Variants in GIPC2 observed in about 807,000 individuals in gnomAD.
GIPC2 encodes the protein PDZ domain-containing protein GIPC2.
Under a neutral mutation model 30.6 loss-of-function variants are expected in GIPC2, and 30 were observed. That is an observed-to-expected ratio of 0.98 (90% CI 0.73 to 1.33). The LOEUF (loss-of-function observed/expected upper bound fraction) is 1.33. Among genes scored for constraint, GIPC2 ranks in the 40% most tolerant of loss-of-function variants. GIPC2 has a pLI of 0.00. For synonymous variants in GIPC2, 167 were observed against 150.0 expected (o/e 1.11, Z -0.83); for missense variants, 414 against 390.3 (o/e 1.06, Z -0.51).
chr1:78,069,235 C>G lies in GIPC2; in HGVS notation c.241-11440C>G, dbSNP rs549618599. 5 of 281,942 alleles carry G rather than the reference C, an allele frequency of 1.8e-5. No homozygotes were observed. The South Asian group carries it at 4.0e-4, about 23-fold the overall frequency. The allele number at this position is 281,942 out of a possible 1,614,324, so 17.5% of individuals were successfully genotyped here. A position where few individuals can be genotyped will look rare whatever the true frequency, so the allele number is the denominator to read the frequency against. ...TCAGTTTCCTGGGCTTATTCTATCC[C>G]TGGGGCAGGAGATGGTTCAAAATTG... On this transcript the variant is annotated intron_variant, in intron 1 of 5. Coordinates refer to ENST00000370759, the MANE Select transcript of GIPC2 (RefSeq NM_017655.6).
At position 78,135,544 on chromosome 1, in the gene GIPC2, T is replaced by A. The variant is rs750823554; in HGVS notation, c.797-48T>A. 55 of 1,162,714 alleles carry A rather than the reference T, an allele frequency of 4.7e-5. No individual in the cohort carries two copies. In the Middle Eastern group the frequency reaches 2.4e-3, roughly 52 times the overall value. 72.0% of individuals were successfully genotyped at this position (1,162,714 alleles called of 1,614,324 possible). A position where few individuals can be genotyped will look rare whatever the true frequency, so the allele number is the denominator to read the frequency against. On this transcript the variant is annotated intron_variant, in intron 5 of 5. Coordinates refer to ENST00000370759, the MANE Select transcript of GIPC2 (RefSeq NM_017655.6). The stretch of plus-strand genomic sequence containing the variant: ...TCCTGTTGCCATTTTTCTCAGTCCT[T>A]TGATGCTATTTCATTTATTGTTAAT...
chr1:78,103,674 A>G (rs1385647372), intron 3 of GIPC2, among the ~76,000 whole-genome samples: 1 of 152,216 alleles, frequency 6.6e-6, no homozygotes, highest in Non-Finnish European at 1.5e-5. Context: ...CTTCTTCAGA[A>G]CATAATGCAG....
chr1:78,106,653 A>G (rs2100402397), intron 3 of GIPC2, among the ~76,000 whole-genome samples: 1 of 152,334 alleles, frequency 6.6e-6, no homozygotes, highest in South Asian at 2.1e-4. Flanking sequence ...GTGTAGAAGA[A>G]AAATACCTTA....
At chr1:78,064,262 C>G (rs1033398269) in intron 1 of GIPC2, among the ~76,000 whole-genome samples, 15 of 152,202 alleles carry the variant, frequency 9.9e-5, no homozygotes, top group African/African-American at 3.6e-4. Flanking sequence ...AGTTTCCCCC[C>G]ATCCTTCCAG....
chr1:78,097,514 A>G (rs1321807482), intron 3 of GIPC2, among the ~76,000 whole-genome samples: 1 of 152,238 alleles, frequency 6.6e-6, no homozygotes, highest in African/African-American at 2.4e-5. Flanking sequence ...AGGAAGGAGC[A>G]TAGTTGGCTG....
chr1:78,094,787 T>G (rs1352905037), intron 2 of GIPC2, 165 bp from the exon 3 acceptor site: 1 of 528,670 alleles, frequency 1.9e-6, no homozygotes, highest in Admixed American at 3.2e-5. Context: ...TAAAAAGTAC[T>G]GTTACACAGT....
At chr1:78,076,374 G>T (rs1181332015) in intron 1 of GIPC2, among the ~76,000 whole-genome samples, 1 of 152,218 alleles carries the variant, frequency 6.6e-6, no homozygotes, top group Non-Finnish European at 1.5e-5. Flanking sequence ...AGAGTGATAA[G>T]CATGCAGTCC....
intron 1 of GIPC2, among the ~76,000 whole-genome samples, chr1:78,053,403 C>G (rs916312702): frequency 6.6e-6 from 1 of 152,118 alleles, no homozygotes; most frequent in African/African-American, 2.4e-5. Context: ...CTAACACAAG[C>G]CCAAATCCTT....
At chr1:78,063,813 A>G (rs892600684) in intron 1 of GIPC2, among the ~76,000 whole-genome samples, 20 of 149,916 alleles carry the variant, frequency 1.3e-4, no homozygotes, top group Admixed American at 7.4e-4. Flanking sequence ...AATCGCTTGA[A>G]CCTGGGAGGT....
chr1:78,076,923 C>G (rs1467921228), intron 1 of GIPC2, among the ~76,000 whole-genome samples: 1 of 151,896 alleles, frequency 6.6e-6, no homozygotes, highest in Non-Finnish European at 1.5e-5. Context: ...CACCTGCCAC[C>G]ATGCCTGGCT....
At chr1:78,102,005 A>G (rs1220414445) in intron 3 of GIPC2, among the ~76,000 whole-genome samples, 1 of 152,202 alleles carries the variant, frequency 6.6e-6, no homozygotes, top group Non-Finnish European at 1.5e-5. Flanking sequence ...TCTCGACTTC[A>G]TTTATCCTGC....
chr1:78,115,532 C>T (rs930607768), intron 3 of GIPC2, among the ~76,000 whole-genome samples: 1 of 152,180 alleles, frequency 6.6e-6, no homozygotes, highest in Non-Finnish European at 1.5e-5. Flanking sequence ...CTAGGCAGTA[C>T]GGAATCCTGG....
At chr1:78,091,288 T>C (rs1285574475) in intron 2 of GIPC2, among the ~76,000 whole-genome samples, 1 of 152,222 alleles carries the variant, frequency 6.6e-6, no homozygotes, top group Non-Finnish European at 1.5e-5. Flanking sequence ...AGCTTATTAT[T>C]ATGGGCGAGG....
chr1:78,121,337 C>T (rs765566089), intron 4 of GIPC2, among the ~76,000 whole-genome samples: 38 of 152,252 alleles, frequency 2.5e-4, no homozygotes, highest in South Asian at 2.5e-3. Flanking sequence ...AGGGGCAAGG[C>T]TCTGGGCCCT....
intron 1 of GIPC2, among the ~76,000 whole-genome samples, chr1:78,054,037 T>TC (rs1661244437): frequency 1.3e-5 from 2 of 152,198 alleles, no homozygotes; most frequent in Non-Finnish European, 2.9e-5. Context: ...TGCCCACTGT[T>TC]CCAATCTCAC....
chr1:78,115,634 C>A (rs888990504), intron 3 of GIPC2, among the ~76,000 whole-genome samples: 1 of 152,186 alleles, frequency 6.6e-6, no homozygotes, highest in African/African-American at 2.4e-5. Context: ...TCTTCCCTCA[C>A]ACAGGACATA....
intron 1 of GIPC2, among the ~76,000 whole-genome samples, chr1:78,077,247 T>C (rs1661733371): frequency 6.6e-6 from 1 of 152,204 alleles, no homozygotes; most frequent in South Asian, 2.1e-4. Flanking sequence ...ACCATCTTAA[T>C]AATTTTTACA....
rs775461466 is a variant in GIPC2, at chr1:78,095,112, T to C, written c.587T>C (p.Ile196Thr). The C allele has an allele frequency of 1.2e-6, 2 of 1,612,582 alleles. No individual in the cohort carries two copies. The highest frequency in any genetic ancestry group is 1.1e-5 in the South Asian group (1 of 91,018). ...GAGGAACTCTTTACTATGAAGTTAATAGAACCTAAGAAGGCATTTGGTAAG... is the reference window on the plus strand; with the variant it reads ...GAGGAACTCTTTACTATGAAGTTAACAGAACCTAAGAAGGCATTTGGTAAG... Reference protein sequence around the residue: ...KKEELFTMKLIEPKKAFEIEL... With the variant: ...KKEELFTMKLTEPKKAFEIEL... The change falls in exon 3 of 6, where the codon ATA (isoleucine) becomes ACA (threonine). Residue 196 changes from isoleucine (I) to threonine (T), a missense_variant. Transcript: ENST00000370759.
At chr1:78,052,249 G>C (rs1174389307) in intron 1 of GIPC2, among the ~76,000 whole-genome samples, 1 of 152,046 alleles carries the variant, frequency 6.6e-6, no homozygotes, top group African/African-American at 2.4e-5. Context: ...TCCCTTCTCT[G>C]CTTAATTTTT....
Sources: allele counts gnomAD v4.1 joint callset (sites outside exome capture counted in the v4.1 genomes callset), GRCh38; gene constraint gnomAD v4.1.1; transcripts MANE v1.5; gene names NCBI Gene and HGNC (gene_info 2026-07-23, HGNC 2026-07-21).